The following ARHGAP35 variants were observed in gnomAD, a reference collection of about 807,000 sequenced individuals.
ARHGAP35 encodes rho GTPase-activating protein 35.
ARHGAP35 carries 15 observed loss-of-function variants against 111.1 expected under a neutral mutation model. The ratio of observed to expected loss-of-function variants is 0.13; its 90% CI spans 0.09 to 0.21. The LOEUF is 0.21. ARHGAP35 is among the 10% of genes least tolerant of loss of function. The probability of loss-of-function intolerance (pLI) is 1.00; values close to 1 mark genes in which losing one functional copy is unlikely to be tolerated. For missense variants in ARHGAP35, 1,262 were observed against 1,873.0 expected, an observed-to-expected ratio of 0.67 and a Z score of 6.02; for synonymous variants, 643 against 710.3, an observed-to-expected ratio of 0.91 and a Z score of 1.51.
chr19:46,981,640 G>A (rs2056620796), intron 3 of ARHGAP35, among the ~76,000 whole-genome samples: 1 of 152,138 alleles, frequency 6.6e-6, no homozygotes, highest in Non-Finnish European at 1.5e-5. Flanking sequence ...AAGCTCCTGA[G>A]GGGCATCTCT....
chr19:46,884,307 A>G (rs1312111572), intron 1 of ARHGAP35, among the ~76,000 whole-genome samples: 1 of 151,962 alleles, frequency 6.6e-6, no homozygotes, highest in Non-Finnish European at 1.5e-5. Context: ...AACAACAACA[A>G]CAAAAAGGAT....
chr19:46,888,241 C>T lies in ARHGAP35; in HGVS notation c.-189+27032C>T, dbSNP rs376094570. On this transcript the variant is annotated intron_variant, in intron 1 of 6. Transcript: ENST00000672722. ...TGCTGGGGTTACAGGCGTAAGCCAC[C>T]GCACCCGGCCTCAATCAATAATATA... 5.7e-4 allele frequency among the ~76,000 whole-genome samples: 70 copies of T among 123,854 alleles called. 1 individual carries two copies. In the East Asian group the frequency reaches 0.01, roughly 18 times the overall value. 81.3% of individuals were successfully genotyped at this position (123,854 alleles called of 152,430 possible).
At position 46,994,060 on chromosome 19, in the gene ARHGAP35, A is replaced by C. The variant is rs918344017; in HGVS notation, c.4036+4385A>C. ...GGACTCTGAAGGGGGTGGAGGTTAC[A>C]CCAAAAGTCTGGACGAGCGGACCTG... On this transcript the variant is annotated intron_variant, in intron 5 of 6. Transcript: ENST00000672722. This position sits in a 1 kb window ranked among gnomAD's most constrained non-coding sequence, Gnocchi z 5.4. 1.3e-5 allele frequency among the ~76,000 whole-genome samples: 2 copies of C among 152,142 alleles called. No homozygotes were observed. Among genetic ancestry groups the C allele is most frequent in the African/African-American group, 4.8e-5 (2 of 41,436 alleles).
intron 1 of ARHGAP35, among the ~76,000 whole-genome samples, chr19:46,867,300 G>C (rs963207729): frequency 1.1e-4 from 17 of 152,216 alleles, no homozygotes; most frequent in African/African-American, 3.6e-4. Flanking sequence ...TTGTATTATA[G>C]ATCTGCAGGT....
In ARHGAP35 at chr19:47,002,128, C is replaced by A. The variant is rs2056751767; in HGVS notation, c.*1440C>A. The stretch of plus-strand genomic sequence containing the variant: ...GCTGTGGCCTCTGCGGCCAGGAAGC[C>A]TGACACTAGGCACCCCCCAGGCGAG... On this transcript the variant is annotated 3_prime_UTR_variant, in exon 7 of 7. Coordinates refer to ENST00000672722, the MANE Select transcript of ARHGAP35 (RefSeq NM_004491.5). The A allele has an allele frequency of 6.5e-6, 1 of 152,870 alleles. No homozygotes were observed. Among genetic ancestry groups the A allele is most frequent in the Non-Finnish European group, 1.5e-5 (1 of 68,188 alleles). The allele number at this position is 152,870 out of a possible 1,614,324, so 9.5% of individuals were successfully genotyped here.
chr19:46,931,678 G>T (rs2056273710), intron 2 of ARHGAP35, among the ~76,000 whole-genome samples: 1 of 152,152 alleles, frequency 6.6e-6, no homozygotes, highest in South Asian at 2.1e-4. Context: ...TTTAAAATCA[G>T]TCTAAAAGGC....
Position 46,999,445 on chromosome 19 carries a change from T to C in ARHGAP35, c.4142+36T>C. On this transcript the variant is annotated intron_variant, in intron 6 of 6. Coordinates refer to ENST00000672722, the MANE Select transcript of ARHGAP35 (RefSeq NM_004491.5). This position sits in a 1 kb window ranked among gnomAD's most constrained non-coding sequence, Gnocchi z 5.4. The stretch of plus-strand genomic sequence containing the variant: ...GGGCCTTCTGGTTGGTTTTTCCTCC[T>C]GAAAATTGACAGCCAGGGTCAGTGT... 1 of 1,370,596 alleles carries C rather than the reference T, an allele frequency of 7.3e-7. No homozygotes were observed. The highest frequency in any genetic ancestry group is 1.0e-6 in the Non-Finnish European group (1 of 982,236). 84.9% of individuals were successfully genotyped at this position (1,370,596 alleles called of 1,614,324 possible).
In ARHGAP35 at chr19:46,984,486, C is replaced by A. The variant is rs111890070; in HGVS notation, c.3827-3503C>A. Among the ~76,000 whole-genome samples, 22 of 152,338 alleles carry A rather than the reference C, an allele frequency of 1.4e-4. 1 individual carries two copies. Among genetic ancestry groups the A allele is most frequent in the African/African-American group, 5.3e-4 (22 of 41,566 alleles). On this transcript the variant is annotated intron_variant, in intron 3 of 6. Coordinates refer to ENST00000672722, the MANE Select transcript of ARHGAP35 (RefSeq NM_004491.5). ...TCCTGTTTCTCACCTGGGTTGCCAG[C>A]TCCCTGCAGCCTTGGTGGTGTTTGC...
Position 46,989,359 on chromosome 19 carries a change from C to T in ARHGAP35, c.3905-185C>T. 3.0e-6 allele frequency: 2 copies of T among 670,540 alleles called. No homozygotes were observed. The highest frequency in any genetic ancestry group is 4.9e-6 in the Non-Finnish European group (2 of 411,894). The allele number at this position is 670,540 out of a possible 1,614,324, so 41.5% of individuals were successfully genotyped here. A position where few individuals can be genotyped will look rare whatever the true frequency, so the allele number is the denominator to read the frequency against. On this transcript the variant is annotated intron_variant, in intron 4 of 6. Transcript: ENST00000672722. This position sits in a 1 kb window ranked among gnomAD's most constrained non-coding sequence, Gnocchi z 5.3. ...GCAGTCTCGGAAAGAGGTGCTGGGGCCAGCCCATGCCTGAACCTCAGAACT... is the reference window on the plus strand; with the variant it reads ...GCAGTCTCGGAAAGAGGTGCTGGGGTCAGCCCATGCCTGAACCTCAGAACT...
rs2056111438 is a variant in ARHGAP35, at chr19:46,906,941, T to C, written c.-188-11547T>C. ...CCATCTCTACAAAAAATACAGAAGTTAGCCAGGCGCGATGGCACATGCCTG... is the reference window on the plus strand; with the variant it reads ...CCATCTCTACAAAAAATACAGAAGTCAGCCAGGCGCGATGGCACATGCCTG... On this transcript the variant is annotated intron_variant, in intron 1 of 6. Coordinates refer to ENST00000672722, the MANE Select transcript of ARHGAP35 (RefSeq NM_004491.5). Among the ~76,000 whole-genome samples, 3 of 151,928 alleles carry C rather than the reference T, an allele frequency of 2.0e-5. No individual in the cohort carries two copies. In the South Asian group the frequency reaches 6.2e-4, roughly 32 times the overall value.
intron 2 of ARHGAP35, among the ~76,000 whole-genome samples, chr19:46,931,832 C>T (rs2056274585): frequency 6.6e-6 from 1 of 152,168 alleles, no homozygotes; most frequent in Non-Finnish European, 1.5e-5. Flanking sequence ...CTGTGAATCT[C>T]CATGAGTCTC....
chr19:46,874,093 T>A (rs1191365506), intron 1 of ARHGAP35, among the ~76,000 whole-genome samples: 12 of 152,194 alleles, frequency 7.9e-5, no homozygotes, highest in Non-Finnish European at 1.5e-5. Flanking sequence ...TTTGAAGTCC[T>A]GTCTATAATT....
Position 46,921,479 on chromosome 19 carries a change from A to T in ARHGAP35, c.2804A>T (p.His935Leu). ...CCCCAGCATAAACTTGAGATCTTTC[A>T]CCCATTTTTTAAAGATGTGGTGGAA... ...SQPQHKLEIF[H>L]PFFKDVVEKK... Residue 935 changes from histidine to leucine, a missense_variant, in exon 2 of 7, where the codon CAC becomes CTC. Coordinates refer to ENST00000672722, the MANE Select transcript of ARHGAP35 (RefSeq NM_004491.5). The surrounding 1 kb of genome is among the most constrained non-coding windows in gnomAD (Gnocchi z 4.3). 6.2e-7 allele frequency: 1 copy of T among 1,613,890 alleles called. No homozygotes were observed. The highest frequency in any genetic ancestry group is 1.1e-5 in the South Asian group (1 of 91,080).
At chr19:46,947,542 T>A (rs1283152592) in intron 3 of ARHGAP35, 1 of 152,104 alleles carries the variant, frequency 6.6e-6, no homozygotes, top group Non-Finnish European at 1.5e-5. Flanking sequence ...CCAACCCCAT[T>A]TTTCCTCTAG....
At chr19:46,863,830 T>C (rs1299291201) in intron 1 of ARHGAP35, among the ~76,000 whole-genome samples, 1 of 152,132 alleles carries the variant, frequency 6.6e-6, no homozygotes, top group African/African-American at 2.4e-5. Context: ...AGTGTGACCT[T>C]GTGGGAGGGG....
In ARHGAP35 at chr19:46,922,777, G is replaced by C. The variant is rs2056211282; in HGVS notation, c.3681+421G>C. Among the ~76,000 whole-genome samples, 2 of 152,156 alleles carry C rather than the reference G, an allele frequency of 1.3e-5. No individual in the cohort carries two copies. Among genetic ancestry groups the C allele is most frequent in the Admixed American group, 1.3e-4 (2 of 15,282 alleles). ...CTTAAATGATCCTTCCTCCCTTGCT[G>C]ATCTGTAAAGGTTGCTGCATTTGAG... On this transcript the variant is annotated intron_variant, in intron 2 of 6. Coordinates refer to ENST00000672722, the MANE Select transcript of ARHGAP35 (RefSeq NM_004491.5). The surrounding 1 kb of genome is among the most constrained non-coding windows in gnomAD (Gnocchi z 4.0).
intron 1 of ARHGAP35, among the ~76,000 whole-genome samples, chr19:46,879,052 C>T (rs539506093): frequency 6.6e-6 from 1 of 152,336 alleles, no homozygotes; most frequent in South Asian, 2.1e-4. Flanking sequence ...AGTCAATCCT[C>T]TGAAACCCTG....
intron 1 of ARHGAP35, among the ~76,000 whole-genome samples, chr19:46,897,447 C>CTTT (rs397749963): frequency 7.4e-6 from 1 of 135,116 alleles, no homozygotes; most frequent in Non-Finnish European, 1.6e-5. Context: ...TTTATTTTGT[C>CTTT]TTTTTTTTTT....
intron 1 of ARHGAP35, among the ~76,000 whole-genome samples, chr19:46,888,285 TATATATATATATATATATATATATA>T (rs2056004144): frequency 3.5e-5 from 2 of 56,498 alleles, no homozygotes; most frequent in Admixed American, 4.2e-4. Flanking sequence ...TATATATATA[TATATATATATATATATATATATATA>T]TATATATAAA....
Sources: allele counts gnomAD v4.1 joint callset (sites outside exome capture counted in the v4.1 genomes callset), GRCh38; gene constraint gnomAD v4.1.1; non-coding constraint Gnocchi (gnomAD v3.1); transcripts MANE v1.5; gene names NCBI Gene and HGNC (gene_info 2026-07-23, HGNC 2026-07-21).